AGBL4: variants seen among roughly 807,000 people sequenced by gnomAD.
The protein encoded by AGBL4 is AGBL carboxypeptidase 4, also known as cytosolic carboxypeptidase 6.
Under a neutral mutation model 66.4 loss-of-function variants are expected in AGBL4, and 58 were observed. The observed-to-expected ratio is 0.87, with a 90% CI of 0.71 to 1.09. The LOEUF is 1.09. Among genes scored for constraint, AGBL4 ranks in the 50% least tolerant of loss-of-function variants. The pLI, the probability that AGBL4 is intolerant of heterozygous loss-of-function variation, is 0.00. For synonymous variants in AGBL4, 234 were observed against 222.9 expected (o/e 1.05, Z -0.44); for missense variants, 579 against 631.0 (o/e 0.92, Z 0.88).
chr1:49,689,396 C>A (rs1170289739), intron 3 of AGBL4, among the ~76,000 whole-genome samples: 2 of 152,136 alleles, frequency 1.3e-5, no homozygotes, highest in Admixed American at 1.3e-4. Context: ...AATATGGATT[C>A]TTTTCTGAGT....
chr1:49,179,857 G>A (rs1262379691), intron 4 of AGBL4, among the ~76,000 whole-genome samples: 1 of 152,106 alleles, frequency 6.6e-6, no homozygotes, highest in South Asian at 2.1e-4. Context: ...TCCTCCTGCT[G>A]TATGACCTTC....
chr1:49,347,061 A>G (rs1434020999), intron 3 of AGBL4, among the ~76,000 whole-genome samples: 2 of 152,206 alleles, frequency 1.3e-5, no homozygotes, highest in Non-Finnish European at 2.9e-5. Flanking sequence ...TAAAGCTAAT[A>G]TAGATTCTTG....
intron 3 of AGBL4, among the ~76,000 whole-genome samples, chr1:49,365,099 T>C (rs906683703): frequency 1.3e-5 from 2 of 152,206 alleles, no homozygotes; most frequent in African/African-American, 4.8e-5. Flanking sequence ...GTGGTTGTTA[T>C]ATAGATCAAA....
chr1:49,011,273 T>C (rs1486468818), intron 5 of AGBL4, among the ~76,000 whole-genome samples: 3 of 152,002 alleles, frequency 2.0e-5, no homozygotes, highest in African/African-American at 7.3e-5. Context: ...AAAAGACACA[T>C]GAAAAAATGC....
chr1:48,963,413 C>T (rs758221323), intron 5 of AGBL4, among the ~76,000 whole-genome samples: 22 of 152,132 alleles, frequency 1.4e-4, no homozygotes, highest in Non-Finnish European at 2.9e-4. Context: ...AGCTGAGCAG[C>T]CTCACTGCCA....
intron 6 of AGBL4, among the ~76,000 whole-genome samples, chr1:48,771,862 T>C (rs1644853016): frequency 6.6e-6 from 1 of 152,214 alleles, no homozygotes; most frequent in Non-Finnish European, 1.5e-5. Context: ...TTGGAAGCTA[T>C]TTCCCCCAAG....
At chr1:49,820,028 C>A (rs990118238) in intron 2 of AGBL4, among the ~76,000 whole-genome samples, 3 of 152,076 alleles carry the variant, frequency 2.0e-5, no homozygotes, top group African/African-American at 7.2e-5. Context: ...GCAAAAGCTC[C>A]AATAAAGACC....
intron 3 of AGBL4, among the ~76,000 whole-genome samples, chr1:49,333,029 T>A (rs922034956): frequency 4.6e-5 from 7 of 152,216 alleles, no homozygotes; most frequent in Non-Finnish European, 1.0e-4. Context: ...ATGATGAGCT[T>A]TTTTTCATAT....
At chr1:49,516,946 C>T (rs533673074) in intron 3 of AGBL4, among the ~76,000 whole-genome samples, 24 of 152,018 alleles carry the variant, frequency 1.6e-4, no homozygotes, top group South Asian at 6.2e-4. Context: ...ATAATAAAAA[C>T]GATAATCAAA....
intron 3 of AGBL4, among the ~76,000 whole-genome samples, chr1:49,248,489 A>C (rs965476654): frequency 6.6e-6 from 1 of 152,240 alleles, no homozygotes; most frequent in Non-Finnish European, 1.5e-5. Context: ...AACTAAAATC[A>C]TATAACTAAT....
chr1:49,254,724 T>C (rs1570230678), intron 3 of AGBL4, among the ~76,000 whole-genome samples: 1 of 151,814 alleles, frequency 6.6e-6, no homozygotes, highest in Non-Finnish European at 1.5e-5. Context: ...CTAAGCAAAA[T>C]GAACAAAGCT....
chr1:49,360,679 C>T (rs1644117752), intron 3 of AGBL4, among the ~76,000 whole-genome samples: 1 of 152,092 alleles, frequency 6.6e-6, no homozygotes. Context: ...GGAAAGCCCA[C>T]TTCTCTATTA....
rs61574470 is a variant in AGBL4 at position 48,694,048 on chromosome 1, CAAAAAAA to C, written c.635-30814_635-30808del. 4.6e-4 allele frequency among the ~76,000 whole-genome samples: 26 copies of C among 57,010 alleles called. No individual in the cohort carries two copies. The South Asian group carries it at 9.5e-3, about 21-fold the overall frequency. 37.4% of individuals were successfully genotyped at this position (57,010 alleles called of 152,430 possible). Reference sequence around the variant, plus strand: ...CCCCTGACCTGATTTTTTCCCTATTCAAAAAAAAAAAAAAAAAAAAAGCGGCAGAGCC... The same window carrying C: ...CCCCTGACCTGATTTTTTCCCTATTCAAAAAAAAAAAAAAGCGGCAGAGCC... On this transcript the variant is annotated intron_variant, in intron 6 of 13. Transcript: ENST00000371839.
intron 11 of AGBL4, among the ~76,000 whole-genome samples, chr1:48,575,743 G>T (rs895439159): frequency 1.3e-5 from 2 of 152,160 alleles, no homozygotes; most frequent in Non-Finnish European, 2.9e-5. Flanking sequence ...TCCCCTCAAG[G>T]TTAGGTTAGA....
chr1:48,924,182 A>C (rs1226606297), intron 5 of AGBL4, among the ~76,000 whole-genome samples: 2 of 151,998 alleles, frequency 1.3e-5, no homozygotes, highest in African/African-American at 2.4e-5. Flanking sequence ...TATATATTTT[A>C]ATATTTTGCT....
chr1:49,490,633 T>A (rs1647168800), intron 3 of AGBL4, among the ~76,000 whole-genome samples: 1 of 151,904 alleles, frequency 6.6e-6, no homozygotes, highest in South Asian at 2.1e-4. Context: ...AATTTGTATA[T>A]CTTGGAGTTA....
intron 6 of AGBL4, among the ~76,000 whole-genome samples, chr1:48,710,427 A>G (rs997694117): frequency 5.9e-5 from 9 of 152,218 alleles, no homozygotes; most frequent in African/African-American, 1.9e-4. Flanking sequence ...AAAGAAATGC[A>G]GGAGCCAGAG....
At chr1:48,781,646 T>G (rs2148719087) in intron 6 of AGBL4, among the ~76,000 whole-genome samples, 1 of 152,362 alleles carries the variant, frequency 6.6e-6, no homozygotes, top group South Asian at 2.1e-4. Flanking sequence ...TTTTATACAG[T>G]TCTAATGCCA....
At chr1:49,786,143 C>T (rs947272411) in intron 2 of AGBL4, among the ~76,000 whole-genome samples, 3 of 150,614 alleles carry the variant, frequency 2.0e-5, no homozygotes, top group Non-Finnish European at 3.0e-5. Context: ...AAATAAATAC[C>T]CCAAATTCCA....
Sources: gnomAD v4.1 joint callset for allele counts (sites outside exome capture counted in the v4.1 genomes callset) on GRCh38, gnomAD v4.1.1 for gene constraint, MANE v1.5 for transcripts, NCBI Gene and HGNC (gene_info 2026-07-23, HGNC 2026-07-21) for gene names.